The following AK7 variants were observed in gnomAD, a reference collection of about 807,000 sequenced individuals.
AK7 encodes the protein adenylate kinase 7, also known as ATP-AMP transphosphorylase 7.
AK7 carries 78 observed loss-of-function variants against 96.6 expected under a neutral mutation model. The observed-to-expected ratio is 0.81, with a 90% CI of 0.67 to 0.97. AK7 has a LOEUF of 0.97. Ranked by LOEUF, AK7 falls within the 50% of genes least tolerant of loss-of-function variation. The probability of loss-of-function intolerance (pLI) is 0.00; values close to 1 mark genes in which losing one functional copy is unlikely to be tolerated. For synonymous variants in AK7, 302 were observed against 317.2 expected (o/e 0.95, Z 0.51); for missense variants, 855 against 887.9 (o/e 0.96, Z 0.47).
chr14:96,487,009 C>G lies in AK7; in HGVS notation c.2086C>G (p.Leu696Val). The G allele has an allele frequency of 6.2e-7, 1 of 1,614,026 alleles. No individual in the cohort carries two copies. The change falls in exon 17 of 18, where the codon CTG becomes GTG. Residue 696 changes from leucine to valine, a missense_variant. Physicochemically the swap from Leu to Val is conservative, Grantham distance 32 (BLOSUM62 1). Transcript: ENST00000267584. ...TGTGATGCCAACTCTTATTCAGGGCCTGAATGAATGTTGCAACGTCCGACC... is the reference window on the plus strand; with the variant it reads ...TGTGATGCCAACTCTTATTCAGGGCGTGAATGAATGTTGCAACGTCCGACC... ...TYVMPTLIQG[L>V]NECCNVRPED...
intron 5 of AK7, among the ~76,000 whole-genome samples, chr14:96,435,925 CTG>C (rs1892614043): frequency 6.6e-6 from 1 of 152,160 alleles, no homozygotes; most frequent in South Asian, 2.1e-4. Flanking sequence ...CGATTCCAAA[CTG>C]TTTTTTCTGG....
At position 96,488,327 on chromosome 14, in the gene AK7, A is replaced by G. The variant is rs1463059376; in HGVS notation, c.2156A>G (p.Asn719Ser). Reference sequence around the variant, plus strand: ...TAGGCAGAATATCTCTTCAAGAACAATCCTGAAGCACAGTGAAACTTGAAA... The same window carrying G: ...TAGGCAGAATATCTCTTCAAGAACAGTCCTGAAGCACAGTGAAACTTGAAA... ...DFLAEYLFKN[N>S]PEAQ is the part of the protein sequence containing the mutation. Residue 719 changes from asparagine to serine, a missense_variant, in exon 18 of 18, where the codon AAT (asparagine) becomes AGT (serine). Transcript: ENST00000267584. 6.2e-7 allele frequency: 1 copy of G among 1,612,228 alleles called. No individual in the cohort carries two copies. The highest frequency in any genetic ancestry group is 8.5e-7 in the Non-Finnish European group (1 of 1,178,666).
At chr14:96,434,725 G>A (rs1270334034) in intron 5 of AK7, among the ~76,000 whole-genome samples, 1 of 152,216 alleles carries the variant, frequency 6.6e-6, no homozygotes, top group Non-Finnish European at 1.5e-5. Flanking sequence ...TGCCATCTGG[G>A]AGTCAGGGAC....
chr14:96,483,321 G>A, intron 16 of AK7, 102 bp downstream of exon 16: 1 of 1,196,818 alleles, frequency 8.4e-7, no homozygotes, highest in Non-Finnish European at 1.2e-6. Flanking sequence ...CTGCTCTAGG[G>A]AAATGTCATG....
intron 17 of AK7, among the ~76,000 whole-genome samples, chr14:96,487,615 G>A (rs576574277): frequency 6.6e-6 from 1 of 151,306 alleles, no homozygotes; most frequent in Non-Finnish European, 1.5e-5. Flanking sequence ...TTTTAGTAGA[G>A]ACAGGGTTTC....
chr14:96,395,615 G>A (rs1288008269), intron 1 of AK7, among the ~76,000 whole-genome samples: 1 of 151,458 alleles, frequency 6.6e-6, no homozygotes, highest in Non-Finnish European at 1.5e-5. Context: ...GGCAGAATGG[G>A]GAGGATCACT....
At chr14:96,462,039 C>T (rs372820709) in intron 12 of AK7, among the ~76,000 whole-genome samples, 8 of 152,254 alleles carry the variant, frequency 5.3e-5, no homozygotes, top group African/African-American at 1.9e-4. Context: ...AGATAGTGCC[C>T]AGCTGAGAAC....
intron 3 of AK7, among the ~76,000 whole-genome samples, chr14:96,405,930 A>G (rs1890684844): frequency 6.6e-6 from 1 of 152,136 alleles, no homozygotes; most frequent in African/African-American, 2.4e-5. Flanking sequence ...TTGAGACAAG[A>G]TCTTGCTCTG....
chr14:96,478,345 A>T, intron 14 of AK7, 120 bp from the exon 15 acceptor site: 1 of 963,040 alleles, frequency 1.0e-6, no homozygotes, highest in Non-Finnish European at 1.6e-6. Flanking sequence ...AGCCAATTGG[A>T]CAGGCTATTT....
intron 7 of AK7, among the ~76,000 whole-genome samples, chr14:96,444,318 C>A (rs1264394294): frequency 6.6e-6 from 1 of 152,092 alleles, no homozygotes; most frequent in Non-Finnish European, 1.5e-5. Flanking sequence ...ACAGAAGAGT[C>A]TTTTACATTA....
At chr14:96,461,619 T>C (rs549195307) in intron 12 of AK7, among the ~76,000 whole-genome samples, 1 of 152,232 alleles carries the variant, frequency 6.6e-6, no homozygotes, top group South Asian at 2.1e-4. Context: ...TGAGAATGAG[T>C]CTCACTCTGT....
chr14:96,443,483 T>A (rs1893065604), intron 7 of AK7, among the ~76,000 whole-genome samples: 1 of 152,194 alleles, frequency 6.6e-6, no homozygotes, highest in Non-Finnish European at 1.5e-5. Flanking sequence ...AGATTCCCAC[T>A]CTTTCTCTCA....
chr14:96,439,334 G>A (rs566586502), intron 6 of AK7, among the ~76,000 whole-genome samples: 161 of 152,088 alleles, frequency 1.1e-3, no homozygotes, highest in Non-Finnish European at 1.7e-3. Flanking sequence ...AGAAGGGTGG[G>A]CAGGAAGCAG....
At chr14:96,396,729 T>C (rs541884868) in intron 1 of AK7, among the ~76,000 whole-genome samples, 1 of 152,344 alleles carries the variant, frequency 6.6e-6, no homozygotes, top group East Asian at 1.9e-4. Flanking sequence ...TATTGACATA[T>C]AAACGAATGA....
chr14:96,449,292 A>G (rs1893437804), intron 8 of AK7, among the ~76,000 whole-genome samples: 1 of 152,164 alleles, frequency 6.6e-6, no homozygotes, highest in African/African-American at 2.4e-5. Context: ...ATATCTGTGT[A>G]CAGTTCTGTC....
At chr14:96,479,075 AT>A (rs889373740) in intron 15 of AK7, among the ~76,000 whole-genome samples, 13 of 147,134 alleles carry the variant, frequency 8.8e-5, no homozygotes, top group African/African-American at 2.8e-4. Context: ...GGCCTGATTA[AT>A]TTTTTTTTCT....
intron 10 of AK7, among the ~76,000 whole-genome samples, chr14:96,454,916 C>T (rs933843229): frequency 6.6e-6 from 1 of 151,546 alleles, no homozygotes; most frequent in African/African-American, 2.4e-5. Context: ...TGTAATCCTA[C>T]CACTTTGGGA....
At chr14:96,439,692 A>G (rs559190372) in intron 6 of AK7, among the ~76,000 whole-genome samples, 92 of 151,816 alleles carry the variant, frequency 6.1e-4, no homozygotes, top group Middle Eastern at 3.5e-3. Flanking sequence ...GTTTTTAAAA[A>G]GAAAGAATGA....
chr14:96,488,056 G>A, intron 17 of AK7: 1 of 404,626 alleles, frequency 2.5e-6, no homozygotes, highest in East Asian at 6.0e-5. Context: ...GGGATTACAG[G>A]CGCCTGCCAC....
Sources: allele counts gnomAD v4.1 joint callset (sites outside exome capture counted in the v4.1 genomes callset), GRCh38; gene constraint gnomAD v4.1.1; transcripts MANE v1.5; gene names NCBI Gene and HGNC (gene_info 2026-07-23, HGNC 2026-07-21).